The following CHLSN variants were observed in gnomAD, a reference collection of about 807,000 sequenced individuals.
The protein encoded by CHLSN is protein cholesin.
chr7:978,348 C>T, the CHLSN span, among the ~76,000 whole-genome samples: 7 of 152,040 alleles, frequency 4.6e-5, no homozygotes, highest in Admixed American at 1.3e-4. Flanking sequence ...TGAAACCCTA[C>T]GTCTATAAAA....
the CHLSN span, among the ~76,000 whole-genome samples, chr7:1,106,298 G>A: frequency 6.6e-6 from 1 of 152,216 alleles, no homozygotes; most frequent in Non-Finnish European, 1.5e-5. Flanking sequence ...AAGGGTGTGT[G>A]TGTCTGGGCA....
the CHLSN span, among the ~76,000 whole-genome samples, chr7:1,032,441 G>A: frequency 2.7e-3 from 417 of 152,202 alleles, 4 homozygotes; most frequent in African/African-American, 9.5e-3. Flanking sequence ...GCCCTAAGAG[G>A]CCACAGCCAC....
the CHLSN span, among the ~76,000 whole-genome samples, chr7:1,004,840 G>A: frequency 6.6e-6 from 1 of 152,236 alleles, no homozygotes; most frequent in Non-Finnish European, 1.5e-5. Flanking sequence ...AGAGCAGTCA[G>A]AGGGAAGTCC....
At chr7:1,126,825 C>T in the CHLSN span, among the ~76,000 whole-genome samples, 43 of 152,296 alleles carry the variant, frequency 2.8e-4, no homozygotes, top group Admixed American at 2.3e-3. Context: ...GATTTTCAAA[C>T]GGACAATAAT....
chr7:1,011,673 G>C, the CHLSN span, among the ~76,000 whole-genome samples: 1 of 135,600 alleles, frequency 7.4e-6, no homozygotes. Flanking sequence ...CACACCCAGA[G>C]ACACCCACAG....
the CHLSN span, among the ~76,000 whole-genome samples, chr7:1,014,315 C>T: frequency 6.6e-6 from 1 of 152,214 alleles, no homozygotes; most frequent in Non-Finnish European, 1.5e-5. Context: ...TATGTTTTTC[C>T]TTTATGCCTT....
the CHLSN span, among the ~76,000 whole-genome samples, chr7:979,526 C>T: frequency 1.3e-5 from 2 of 151,890 alleles, no homozygotes; most frequent in South Asian, 2.1e-4. Context: ...CCACGGTGGG[C>T]GGATCATCTG....
the CHLSN span, among the ~76,000 whole-genome samples, chr7:1,053,685 G>C: frequency 1.3e-5 from 2 of 152,190 alleles, no homozygotes; most frequent in Non-Finnish European, 2.9e-5. Flanking sequence ...AAATTAGCTG[G>C]GTGTGGTGGC....
chr7:1,114,505 CTG>C, the CHLSN span, among the ~76,000 whole-genome samples: 1 of 152,246 alleles, frequency 6.6e-6, no homozygotes, highest in Non-Finnish European at 1.5e-5. Flanking sequence ...CCGGCAGCCT[CTG>C]TGGGTAAATC....
the CHLSN span, among the ~76,000 whole-genome samples, chr7:1,095,461 G>A: frequency 2.0e-5 from 3 of 152,314 alleles, no homozygotes; most frequent in East Asian, 5.8e-4. Flanking sequence ...AAAGCAGGCG[G>A]GGTGGGTGCT....
chr7:1,027,614 A>C, the CHLSN span, among the ~76,000 whole-genome samples: 1 of 152,256 alleles, frequency 6.6e-6, no homozygotes, highest in Non-Finnish European at 1.5e-5. Context: ...CTCCCGAGTG[A>C]AGCTATCCCA....
chr7:1,125,370 ACC>A, the CHLSN span, among the ~76,000 whole-genome samples: 442 of 152,202 alleles, frequency 2.9e-3, 1 homozygote, highest in South Asian at 7.7e-3. Flanking sequence ...GCCACCTGCC[ACC>A]CCACATCTCA....
the CHLSN span, among the ~76,000 whole-genome samples, chr7:1,005,064 G>A: frequency 6.6e-6 from 1 of 152,210 alleles, no homozygotes; most frequent in Non-Finnish European, 1.5e-5. Context: ...GGAGGCCGAG[G>A]GCGGATCACA....
chr7:1,073,043 C>A, the CHLSN span, among the ~76,000 whole-genome samples: 2 of 152,164 alleles, frequency 1.3e-5, no homozygotes, highest in Non-Finnish European at 2.9e-5. Flanking sequence ...CCAGTATTGG[C>A]ATAAAGTTGT....
At chr7:1,048,088 G>A in the CHLSN span, among the ~76,000 whole-genome samples, 1 of 152,136 alleles carries the variant, frequency 6.6e-6, no homozygotes, top group African/African-American at 2.4e-5. Flanking sequence ...GTGGGTTCCC[G>A]GGGGTACTGA....
At chr7:1,136,248 AATAT>A in the CHLSN span, among the ~76,000 whole-genome samples, 8 of 118,246 alleles carry the variant, frequency 6.8e-5, 1 homozygote, top group Non-Finnish European at 1.1e-4. Context: ...AATATATATA[AATAT>A]ATATAAACAT....
the CHLSN span, among the ~76,000 whole-genome samples, chr7:1,115,846 G>A: frequency 3.0e-5 from 3 of 100,392 alleles, no homozygotes; most frequent in Admixed American, 1.2e-4. Context: ...CATCACCGAC[G>A]CCCACGCAGG....
At chr7:1,016,485 A>ACACAGCAGCG in the CHLSN span, among the ~76,000 whole-genome samples, 3 of 134,664 alleles carry the variant, frequency 2.2e-5, no homozygotes, top group South Asian at 2.5e-4. Flanking sequence ...GCACAGCAGC[A>ACACAGCAGCG]CACAGCAGCG....
chr7:1,115,588 G>C, the CHLSN span, among the ~76,000 whole-genome samples: 1 of 127,070 alleles, frequency 7.9e-6, no homozygotes, highest in East Asian at 2.1e-4. Context: ...GCCCAGGCAG[G>C]ATGGCATCAC....
Sources: allele counts gnomAD v4.1 joint callset (sites outside exome capture counted in the v4.1 genomes callset), GRCh38; gene constraint gnomAD v4.1.1; transcripts MANE v1.5; gene names NCBI Gene and HGNC (gene_info 2026-07-23, HGNC 2026-07-21).